TIAM1: variants seen among roughly 807,000 people sequenced by gnomAD.
The protein encoded by TIAM1 is TIAM Rac1 associated GEF 1.
TIAM1 carries 65 observed loss-of-function variants against 163.5 expected under a neutral mutation model. That is an observed-to-expected ratio of 0.40 (90% confidence interval 0.33 to 0.49). The LOEUF (loss-of-function observed/expected upper bound fraction) is 0.49, where lower values mean the gene tolerates loss of function less well. Among genes scored for constraint, TIAM1 ranks in the 20% least tolerant of loss-of-function variants. The probability of loss-of-function intolerance (pLI) is 0.77; values close to 1 mark genes in which losing one functional copy is unlikely to be tolerated. For missense variants in TIAM1, 1,789 were observed against 2,044.7 expected, an observed-to-expected ratio of 0.87 and a Z score of 2.41; for synonymous variants, 833 against 810.1, an observed-to-expected ratio of 1.03 and a Z score of -0.48.
intron 2 of TIAM1, among the ~76,000 whole-genome samples, chr21:31,387,183 G>A (rs2076886348): frequency 7.2e-6 from 1 of 138,604 alleles, no homozygotes; most frequent in Non-Finnish European, 1.6e-5. Flanking sequence ...TTTGTTTGTA[G>A]AAGCTTATTC....
chr21:31,402,842 C>G (rs761115471), intron 2 of TIAM1, among the ~76,000 whole-genome samples: 23 of 152,090 alleles, frequency 1.5e-4, no homozygotes, highest in Non-Finnish European at 1.6e-4. Context: ...GTCCCAGCTA[C>G]TCGGAAGGCT....
chr21:31,480,944 T>C (rs1176775219), intron 1 of TIAM1, among the ~76,000 whole-genome samples: 1 of 152,074 alleles, frequency 6.6e-6, no homozygotes, highest in Admixed American at 6.5e-5. Context: ...TTAGTAGAGA[T>C]GGGGTTTCAC....
intron 2 of TIAM1, among the ~76,000 whole-genome samples, chr21:31,366,864 C>T (rs577236448): frequency 6.6e-5 from 10 of 152,288 alleles, no homozygotes; most frequent in Admixed American, 4.6e-4. Context: ...GTGATCCACC[C>T]GCCTCAGCCT....
chr21:31,161,751 C>A lies in TIAM1; in HGVS notation c.2991+3211G>T, dbSNP rs548780384. Reference sequence around the variant, plus strand: ...AGTTATTTACACATTTACATCTCTACACTCAGCCTCGTGCATTCAGACAAG... The same window carrying A: ...AGTTATTTACACATTTACATCTCTAAACTCAGCCTCGTGCATTCAGACAAG... On this transcript the variant is annotated intron_variant, in intron 16 of 27. Transcript: ENST00000541036. Among the ~76,000 whole-genome samples the A allele has an allele frequency of 1.8e-4, 27 of 152,336 alleles. 1 individual carries two copies. In the South Asian group the frequency reaches 5.4e-3, roughly 30 times the overall value.
At chr21:31,486,160 C>T (rs2046265245) in intron 1 of TIAM1, among the ~76,000 whole-genome samples, 1 of 152,176 alleles carries the variant, frequency 6.6e-6, no homozygotes, top group Non-Finnish European at 1.5e-5. Flanking sequence ...GAGGGAGGTG[C>T]CATAAGGCAC....
Position 31,489,480 on chromosome 21 carries a change from T to C in TIAM1, c.-421-25445A>G, listed in dbSNP as rs1338657116. Among the ~76,000 whole-genome samples, 8 of 68,670 alleles carry C rather than the reference T, an allele frequency of 1.2e-4. No homozygotes were observed. The South Asian group carries it at 3.5e-3, about 30-fold the overall frequency. 45.1% of individuals were successfully genotyped at this position (68,670 alleles called of 152,430 possible). On this transcript the variant is annotated intron_variant, in intron 1 of 28. Transcript: ENST00000286827. ...AAAGAGAAAGAAAGTGAGAAGGAGATGAAAGAAAGAGAGAGAGGGAGGGAG... is the reference window on the plus strand; with the variant it reads ...AAAGAGAAAGAAAGTGAGAAGGAGACGAAAGAAAGAGAGAGAGGGAGGGAG...
intron 13 of TIAM1, among the ~76,000 whole-genome samples, chr21:31,190,438 G>A (rs1027416251): frequency 2.0e-5 from 3 of 151,914 alleles, no homozygotes; most frequent in South Asian, 2.1e-4. Flanking sequence ...ACAAACTCAT[G>A]AGATGAACCA....
At chr21:31,225,642 C>T (rs1432321208) in intron 7 of TIAM1, 84 bp downstream of exon 7, 48 of 1,158,048 alleles carry the variant, frequency 4.1e-5, no homozygotes, top group African/African-American at 3.2e-5. Context: ...TGATGTTTCA[C>T]GATTCCAAAA....
chr21:31,215,227 G>A (rs976833746), intron 9 of TIAM1, among the ~76,000 whole-genome samples: 2 of 152,098 alleles, frequency 1.3e-5, no homozygotes, highest in African/African-American at 4.8e-5. Flanking sequence ...GTGAAGTCCA[G>A]AAGCAGTGGG....
chr21:31,287,260 T>C (rs2073846104), intron 2 of TIAM1, among the ~76,000 whole-genome samples: 1 of 152,240 alleles, frequency 6.6e-6, no homozygotes. Flanking sequence ...TAGGGCTATC[T>C]AAAAACTGCT....
In TIAM1 at chr21:31,266,166, G is replaced by A; in HGVS notation, c.807C>T (p.Asn269=). 6.2e-7 allele frequency: 1 copy of A among 1,614,146 alleles called. No homozygotes were observed. Among genetic ancestry groups the A allele is most frequent in the Non-Finnish European group, 8.5e-7 (1 of 1,180,034 alleles). Residue 269 remains asparagine (N), a synonymous_variant, in exon 4 of 28, where the codon AAC becomes AAT. Coordinates refer to ENST00000541036, the MANE Select transcript of TIAM1 (RefSeq NM_001353694.2). The part of the protein sequence containing the change: ...NLVSDIPNLA[N]HKMPPAAAEE... ...CAGCAGCAGCTGGTGGCATCTTATG[G>A]TTTGCAAGATTGGGAATATCAGACA...
chr21:31,182,395 GC>G, intron 15 of TIAM1, 25 bp downstream of exon 15: 1 of 1,487,180 alleles, frequency 6.7e-7, no homozygotes. Context: ...GTTCAGACTC[GC>G]CCCCAGCACC....
intron 27 of TIAM1, among the ~76,000 whole-genome samples, chr21:31,122,617 T>C (rs1484493511): frequency 6.6e-6 from 1 of 152,086 alleles, no homozygotes; most frequent in Admixed American, 6.6e-5. Context: ...AACATTTTCA[T>C]AAGAAAATAG....
chr21:31,351,536 C>T (rs1281679402), intron 2 of TIAM1, among the ~76,000 whole-genome samples: 1 of 152,088 alleles, frequency 6.6e-6, no homozygotes, highest in Non-Finnish European at 1.5e-5. Flanking sequence ...TGGCTAAGCT[C>T]CAGACAAGCA....
chr21:31,264,426 C>G (rs1197622298), intron 4 of TIAM1, among the ~76,000 whole-genome samples: 3 of 152,212 alleles, frequency 2.0e-5, no homozygotes, highest in Admixed American at 6.5e-5. Flanking sequence ...GTTGCCCTTA[C>G]TGGCTGCTTC....
At chr21:31,543,836 G>A (rs1026597911) in intron 1 of TIAM1, among the ~76,000 whole-genome samples, 1 of 152,210 alleles carries the variant, frequency 6.6e-6, no homozygotes, top group Non-Finnish European at 1.5e-5. Flanking sequence ...CACAGGTGGC[G>A]TATCAGAGCT....
At chr21:31,482,716 T>C (rs999640633) in intron 1 of TIAM1, among the ~76,000 whole-genome samples, 2 of 152,150 alleles carry the variant, frequency 1.3e-5, no homozygotes, top group East Asian at 1.9e-4. Context: ...TGCCTGCCCA[T>C]GTGCATCTGG....
intron 1 of TIAM1, among the ~76,000 whole-genome samples, chr21:31,514,315 G>C (rs2047309148): frequency 6.6e-6 from 1 of 152,056 alleles, no homozygotes; most frequent in Non-Finnish European, 1.5e-5. Flanking sequence ...ACAAATTCTA[G>C]GTTCTTCCTT....
Position 31,300,015 on chromosome 21 carries a change from A to T in TIAM1, c.-188-23107T>A, listed in dbSNP as rs113525025. ...TGTCCTTGCCCAAATCTCATATTGA[A>T]ATGTCATTCCCAGTGTTGGAGGTGG... is the stretch of plus-strand genomic sequence containing the variant. On this transcript the variant is annotated intron_variant, in intron 2 of 27. Transcript: ENST00000541036. Among the ~76,000 whole-genome samples, 124 of 152,296 alleles carry T rather than the reference A, an allele frequency of 8.1e-4. 2 individuals are homozygous for T. The Middle Eastern group carries it at 0.031, about 38-fold the overall frequency.
Sources: allele counts gnomAD v4.1 joint callset (sites outside exome capture counted in the v4.1 genomes callset), GRCh38; gene constraint gnomAD v4.1.1; transcripts MANE v1.5; gene names NCBI Gene and HGNC (gene_info 2026-07-23, HGNC 2026-07-21).